Variants in CEP128 observed in about 807,000 individuals in gnomAD.
CEP128 encodes the protein centrosomal protein 128kDa.
A neutral mutation model predicts 156.7 loss-of-function variants in CEP128; 132 were observed. The observed-to-expected ratio is 0.84, with a 90% CI of 0.73 to 0.97. The LOEUF (loss-of-function observed/expected upper bound fraction) is 0.97, where lower values mean the gene tolerates loss of function less well. CEP128 is among the 50% of genes least tolerant of loss of function. The probability of loss-of-function intolerance (pLI) is 0.00; values close to 1 mark genes in which losing one functional copy is unlikely to be tolerated. For missense variants in CEP128, 1,252 were observed against 1,281.9 expected (o/e 0.98, Z 0.36); for synonymous variants, 469 against 448.9 (o/e 1.04, Z -0.57).
chr14:80,612,413 C>A (rs1427559148), intron 19 of CEP128, among the ~76,000 whole-genome samples: 1 of 152,144 alleles, frequency 6.6e-6, no homozygotes, highest in African/African-American at 2.4e-5. Flanking sequence ...CCGTGTTAAT[C>A]TGATCAACAT....
intron 18 of CEP128, among the ~76,000 whole-genome samples, chr14:80,746,539 C>A (rs1445401105): frequency 6.6e-6 from 1 of 152,116 alleles, no homozygotes; most frequent in East Asian, 1.9e-4. Context: ...TATACAAATA[C>A]AAAAGAATTC....
At chr14:80,817,958 A>G (rs1358804256) in intron 13 of CEP128, among the ~76,000 whole-genome samples, 1 of 152,208 alleles carries the variant, frequency 6.6e-6, no homozygotes, top group African/African-American at 2.4e-5. Flanking sequence ...CTTGAAGATT[A>G]TCGATAGATA....
intron 21 of CEP128, among the ~76,000 whole-genome samples, chr14:80,532,803 G>A (rs886640429): frequency 6.6e-6 from 1 of 152,124 alleles, no homozygotes; most frequent in Admixed American, 6.6e-5. Flanking sequence ...GTTTTGACAC[G>A]TGTAAATCAG....
intron 8 of CEP128, among the ~76,000 whole-genome samples, chr14:80,881,426 G>A (rs945702540): frequency 2.0e-5 from 3 of 152,190 alleles, no homozygotes; most frequent in Non-Finnish European, 2.9e-5. Context: ...GATAAAAGAC[G>A]TAACATGTCT....
intron 21 of CEP128, among the ~76,000 whole-genome samples, chr14:80,537,258 A>C (rs1889526956): frequency 6.6e-6 from 1 of 152,206 alleles, no homozygotes; most frequent in Admixed American, 6.5e-5. Context: ...TAAGTGAATT[A>C]TGTTACAGTC....
chr14:80,586,232 GT>G (rs1222582425), intron 19 of CEP128, among the ~76,000 whole-genome samples: 3 of 152,192 alleles, frequency 2.0e-5, no homozygotes, highest in Admixed American at 6.5e-5. Context: ...GGAAACAGAA[GT>G]GGAGGGCCTG....
intron 12 of CEP128, among the ~76,000 whole-genome samples, chr14:80,833,336 AT>A (rs1885909201): frequency 6.6e-6 from 1 of 151,580 alleles, no homozygotes; most frequent in Non-Finnish European, 1.5e-5. Context: ...AAACATATAT[AT>A]TTGATATGGA....
At chr14:80,641,600 G>A (rs191927533) in intron 19 of CEP128, among the ~76,000 whole-genome samples, 2 of 152,200 alleles carry the variant, frequency 1.3e-5, no homozygotes, top group Admixed American at 6.5e-5. Flanking sequence ...AAGTTTCTAC[G>A]GCTTAATACT....
Position 80,695,632 on chromosome 14 carries a change from G to A in CEP128, c.2806+47443C>T, listed in dbSNP as rs957922255. Among the ~76,000 whole-genome samples the A allele has an allele frequency of 3.3e-5, 5 of 150,506 alleles. 1 individual carries two copies. In the South Asian group the frequency reaches 6.3e-4, roughly 19 times the overall value. On this transcript the variant is annotated intron_variant, in intron 19 of 24. Transcript: ENST00000555265. ...CTCGGGAGGCTGAGGCAGGAGAATCGCTTGAACCCGGGAGGCAGAGGTCAC... is the reference window on the plus strand; with the variant it reads ...CTCGGGAGGCTGAGGCAGGAGAATCACTTGAACCCGGGAGGCAGAGGTCAC...
intron 19 of CEP128, among the ~76,000 whole-genome samples, chr14:80,695,632 GC>G (rs1896866445): frequency 6.6e-6 from 1 of 150,506 alleles, no homozygotes; most frequent in Non-Finnish European, 1.5e-5. Context: ...CAGGAGAATC[GC>G]TTGAACCCGG....
At chr14:80,900,556 A>T (rs943909206) in intron 6 of CEP128, among the ~76,000 whole-genome samples, 1 of 152,196 alleles carries the variant, frequency 6.6e-6, no homozygotes, top group African/African-American at 2.4e-5. Context: ...ACTCTTCCTC[A>T]TGTACACTTG....
intron 23 of CEP128, among the ~76,000 whole-genome samples, chr14:80,506,787 G>A (rs1817554197): frequency 6.6e-6 from 1 of 152,116 alleles, no homozygotes; most frequent in Non-Finnish European, 1.5e-5. Context: ...TGAGCCAAAG[G>A]CACGAACATA....
intron 19 of CEP128, among the ~76,000 whole-genome samples, chr14:80,589,323 C>T (rs1340694660): frequency 6.6e-6 from 1 of 152,098 alleles, no homozygotes; most frequent in Non-Finnish European, 1.5e-5. Context: ...TAATAGAAAA[C>T]TAACACACCT....
At chr14:80,599,271 T>C (rs905016978) in intron 19 of CEP128, among the ~76,000 whole-genome samples, 75 of 137,740 alleles carry the variant, frequency 5.4e-4, no homozygotes, top group Non-Finnish European at 9.3e-4. Flanking sequence ...TATTCTTTTT[T>C]TTTTTTTTTT....
chr14:80,482,272 C>G (rs1160629991), intron 14 of CEP128, among the ~76,000 whole-genome samples: 1 of 152,164 alleles, frequency 6.6e-6, no homozygotes, highest in Admixed American at 6.5e-5. Context: ...ATGTTTAGTA[C>G]GTTGGATAAC....
intron 16 of CEP128, among the ~76,000 whole-genome samples, chr14:80,766,453 A>C (rs1900245003): frequency 6.6e-6 from 1 of 152,176 alleles, no homozygotes; most frequent in Non-Finnish European, 1.5e-5. Context: ...CAGAGCATTC[A>C]CTTTCCCAGA....
At chr14:80,946,740 G>A (rs573456459) in intron 2 of CEP128, among the ~76,000 whole-genome samples, 7 of 152,124 alleles carry the variant, frequency 4.6e-5, no homozygotes, top group Non-Finnish European at 8.8e-5. Context: ...AGGGACAGAA[G>A]TTGTATTTCA....
intron 19 of CEP128, among the ~76,000 whole-genome samples, chr14:80,671,876 T>A (rs375442308): frequency 1.7e-4 from 2 of 11,582 alleles, no homozygotes; most frequent in Non-Finnish European, 3.3e-4. Context: ...TATGGGGGGG[T>A]GGGGGGTAGT....
At chr14:80,685,965 G>A (rs1896508721) in intron 19 of CEP128, among the ~76,000 whole-genome samples, 1 of 152,060 alleles carries the variant, frequency 6.6e-6, no homozygotes, top group African/African-American at 2.4e-5. Context: ...ACCTCAAGAT[G>A]TATTGAATAT....
Sources: allele counts gnomAD v4.1 joint callset (sites outside exome capture counted in the v4.1 genomes callset), GRCh38; gene constraint gnomAD v4.1.1; transcripts MANE v1.5; gene names NCBI Gene and HGNC (gene_info 2026-07-23, HGNC 2026-07-21).